Variants in SORBS2 observed in about 807,000 individuals in gnomAD.
The protein encoded by SORBS2 is sorbin and SH3 domain containing 2, also known as sorbin and SH3 domain-containing protein 2.
SORBS2 carries 46 observed loss-of-function variants against 97.7 expected under a neutral mutation model. The observed-to-expected ratio is 0.47, with a 90% CI of 0.37 to 0.60. The LOEUF is 0.60. SORBS2 is among the 20% of genes least tolerant of loss of function. The probability of loss-of-function intolerance (pLI) is 0.00; values close to 1 mark genes in which losing one functional copy is unlikely to be tolerated. For missense variants in SORBS2, 1,316 were observed against 1,282.3 expected (o/e 1.03, Z -0.40); for synonymous variants, 476 against 473.4 (o/e 1.01, Z -0.07).
chr4:185,739,550 T>C (rs6858544), intron 2 of SORBS2, among the ~76,000 whole-genome samples: 83,516 of 152,072 alleles, frequency 0.55, 23,705 homozygotes, highest in Middle Eastern at 0.64. Flanking sequence ...TGAAAGTCTA[T>C]GTGTTTGTTG....
At chr4:185,719,832 G>T (rs1408008308) in intron 2 of SORBS2, among the ~76,000 whole-genome samples, 1 of 152,226 alleles carries the variant, frequency 6.6e-6, no homozygotes, top group Non-Finnish European at 1.5e-5. Flanking sequence ...GGCAGAGAAA[G>T]CTACGTGTCC....
At chr4:185,927,849 A>G (rs1416971745) in intron 1 of SORBS2, among the ~76,000 whole-genome samples, 2 of 152,172 alleles carry the variant, frequency 1.3e-5, no homozygotes, top group Non-Finnish European at 2.9e-5. Context: ...TTATATGGTG[A>G]ACACTCAAGG....
At chr4:185,830,859 C>T (rs2099204714) in intron 1 of SORBS2, among the ~76,000 whole-genome samples, 2 of 152,174 alleles carry the variant, frequency 1.3e-5, no homozygotes, top group African/African-American at 4.8e-5. Context: ...CATTTTTCTA[C>T]TATTTTTCTC....
chr4:185,953,357 C>G (rs991927041), intron 1 of SORBS2, among the ~76,000 whole-genome samples: 2 of 152,196 alleles, frequency 1.3e-5, no homozygotes, highest in African/African-American at 4.8e-5. Context: ...GTTTCCCAGA[C>G]TCCATGCTCT....
At chr4:185,587,848 A>C in intron 14 of SORBS2, 160 bp from the exon 27 acceptor site, 1 of 613,008 alleles carries the variant, frequency 1.6e-6, no homozygotes, top group Non-Finnish European at 2.9e-6. Context: ...GGCAGACAAA[A>C]TAAGCAGTGT....
At chr4:185,827,000 C>T (rs1011797932) in intron 1 of SORBS2, among the ~76,000 whole-genome samples, 2 of 141,574 alleles carry the variant, frequency 1.4e-5, no homozygotes, top group Non-Finnish European at 3.1e-5. Context: ...CTGTACCCCA[C>T]CCCTGACTAC....
At chr4:185,715,123 A>G (rs1245923088) in intron 2 of SORBS2, among the ~76,000 whole-genome samples, 5 of 152,228 alleles carry the variant, frequency 3.3e-5, no homozygotes, top group African/African-American at 1.2e-4. Flanking sequence ...GAATAAATTT[A>G]CTTAATCATT....
chr4:185,939,742 T>A (rs949570777), intron 1 of SORBS2, among the ~76,000 whole-genome samples: 3 of 152,058 alleles, frequency 2.0e-5, no homozygotes, highest in African/African-American at 7.2e-5. Flanking sequence ...ACTCCCAACC[T>A]CACGTGATCT....
chr4:185,950,402 G>C (rs1032560828), intron 1 of SORBS2, among the ~76,000 whole-genome samples: 1 of 152,206 alleles, frequency 6.6e-6, no homozygotes, highest in East Asian at 1.9e-4. Context: ...AAATCTCAGA[G>C]AGGCTGTAGT....
chr4:185,787,943 A>T (rs2099063714), intron 1 of SORBS2, among the ~76,000 whole-genome samples: 1 of 152,274 alleles, frequency 6.6e-6, no homozygotes, highest in Non-Finnish European at 1.5e-5. Flanking sequence ...ATGATTTTAC[A>T]GGTAAAGCCA....
At chr4:185,940,858 T>C (rs1017494251) in intron 1 of SORBS2, among the ~76,000 whole-genome samples, 15 of 152,302 alleles carry the variant, frequency 9.8e-5, no homozygotes, top group Admixed American at 2.6e-4. Context: ...TTGCACCCTT[T>C]ATTCTCTAAC....
chr4:185,891,230 C>T (rs1426286881), intron 1 of SORBS2, among the ~76,000 whole-genome samples: 1 of 152,178 alleles, frequency 6.6e-6, no homozygotes, highest in Non-Finnish European at 1.5e-5. Flanking sequence ...AAGAAGCCAT[C>T]ATAATGAAAT....
chr4:185,865,670 AC>A (rs2099226481), intron 1 of SORBS2, among the ~76,000 whole-genome samples: 1 of 152,220 alleles, frequency 6.6e-6, no homozygotes, highest in Non-Finnish European at 1.5e-5. Context: ...TCTTAGCCTA[AC>A]TTTTAGACGT....
chr4:185,784,062 G>A lies in SORBS2; in HGVS notation c.-337-8696C>T, dbSNP rs77800929. On this transcript the variant is annotated intron_variant, in intron 1 of 20. Coordinates refer to the SORBS2 transcript ENST00000284776. ...GCAGTTTCTGACCAATAAGCTAAAG[G>A]CAAGGCATCCTGTTGAAAATTTCAT... Among the ~76,000 whole-genome samples, 568 of 152,268 alleles carry A rather than the reference G, an allele frequency of 3.7e-3. 3 individuals are homozygous for A. Among genetic ancestry groups the A allele is most frequent in the African/African-American group, 0.013 (524 of 41,562 alleles).
chr4:185,711,068 C>T (rs1384956745), intron 2 of SORBS2, among the ~76,000 whole-genome samples: 1 of 152,152 alleles, frequency 6.6e-6, no homozygotes, highest in Non-Finnish European at 1.5e-5. Flanking sequence ...TGCCTGGATT[C>T]AAGGGACCCT....
chr4:185,613,300 C>T (rs146578433), intron 11 of SORBS2, among the ~76,000 whole-genome samples: 20 of 152,236 alleles, frequency 1.3e-4, no homozygotes, highest in African/African-American at 4.1e-4. Flanking sequence ...TGTGTTGAAA[C>T]GCTGGATGGT....
Position 185,744,152 on chromosome 4 carries a change from C to CT in SORBS2, c.-198+31074dup, listed in dbSNP as rs1206597665. 2.0e-5 allele frequency among the ~76,000 whole-genome samples: 3 copies of CT among 150,102 alleles called. No homozygotes were observed. In the East Asian group the frequency reaches 5.9e-4, roughly 30 times the overall value. On this transcript the variant is annotated intron_variant, in intron 2 of 20. Transcript: ENST00000284776. ...CTTCTTCCTCCTCCTTCCCTTCTCT[C>CT]TTTTTTTGTTATTTGATCTCCAATT...
intron 1 of SORBS2, among the ~76,000 whole-genome samples, chr4:185,925,776 G>C (rs1236840673): frequency 6.6e-6 from 1 of 152,078 alleles, no homozygotes; most frequent in East Asian, 1.9e-4. Flanking sequence ...GGTCAAGCAG[G>C]TATTAGGCCC....
chr4:185,621,238 G>A (rs1054606122), intron 7 of SORBS2, among the ~76,000 whole-genome samples: 4 of 152,136 alleles, frequency 2.6e-5, no homozygotes, highest in Non-Finnish European at 5.9e-5. Context: ...CTTTGATGAT[G>A]TAAATTCTAA....
Sources: allele counts gnomAD v4.1 joint callset (sites outside exome capture counted in the v4.1 genomes callset), GRCh38; gene constraint gnomAD v4.1.1; transcripts MANE v1.5; gene names NCBI Gene and HGNC (gene_info 2026-07-23, HGNC 2026-07-21).